The following EFCAB3 variants were observed in gnomAD, a reference collection of about 807,000 sequenced individuals.
EFCAB3 encodes the protein EF-hand calcium-binding domain-containing protein 3.
EFCAB3 carries 36 observed loss-of-function variants against 42.2 expected under a neutral mutation model. That is an observed-to-expected ratio of 0.85 (90% confidence interval 0.65 to 1.13). The LOEUF is 1.13. EFCAB3 is among the 50% of genes most tolerant of loss of function. The probability of loss-of-function intolerance (pLI) is 0.00; values close to 1 mark genes in which losing one functional copy is unlikely to be tolerated. For synonymous variants in EFCAB3, 170 were observed against 172.8 expected, an observed-to-expected ratio of 0.98 and a Z score of 0.13; for missense variants, 418 against 505.1, an observed-to-expected ratio of 0.83 and a Z score of 1.65.
At chr17:62,393,190 C>T (rs1189444835) in intron 4 of EFCAB3, among the ~76,000 whole-genome samples, 1 of 152,102 alleles carries the variant, frequency 6.6e-6, no homozygotes, top group Non-Finnish European at 1.5e-5. Context: ...ACTCATCATC[C>T]TTCAATTTTA....
chr17:62,402,249 A>G (rs1054502613), intron 6 of EFCAB3, among the ~76,000 whole-genome samples: 23 of 152,152 alleles, frequency 1.5e-4, no homozygotes, highest in Admixed American at 1.1e-3. Flanking sequence ...GGACAATTTG[A>G]CTGCCTCTTT....
chr17:62,415,876 C>T, intron 9 of EFCAB3, 127 bp from the exon 10 acceptor site: 1 of 791,882 alleles, frequency 1.3e-6, no homozygotes, highest in Non-Finnish European at 2.0e-6. Flanking sequence ...CGAGGCACCA[C>T]CTAATGTATA....
intron 8 of EFCAB3, among the ~76,000 whole-genome samples, chr17:62,407,692 C>T (rs559190682): frequency 6.6e-6 from 1 of 152,268 alleles, no homozygotes; most frequent in Admixed American, 6.5e-5. Flanking sequence ...TCTGTTGACT[C>T]TAGTCTTTTT....
chr17:62,388,396 G>T (rs370435434), intron 3 of EFCAB3, among the ~76,000 whole-genome samples: 1 of 152,164 alleles, frequency 6.6e-6, no homozygotes, highest in Non-Finnish European at 1.5e-5. Context: ...GGCAAATAGC[G>T]CTGACAGGAG....
intron 1 of EFCAB3, chr17:62,381,802 A>T: frequency 2.3e-6 from 1 of 431,806 alleles, no homozygotes; most frequent in South Asian, 1.8e-5. Flanking sequence ...GTTATCAGTG[A>T]GCTGAATGGA....
intron 2 of EFCAB3, among the ~76,000 whole-genome samples, chr17:62,384,631 A>G (rs76557765): frequency 2.6e-5 from 4 of 152,100 alleles, no homozygotes; most frequent in Non-Finnish European, 5.9e-5. Context: ...AAAATAAAAG[A>G]TCTTTACACT....
chr17:62,407,810 A>G (rs369691295), intron 8 of EFCAB3, among the ~76,000 whole-genome samples: 2 of 152,218 alleles, frequency 1.3e-5, no homozygotes, highest in Admixed American at 6.5e-5. Flanking sequence ...CACCCCAGGT[A>G]AGGCCTCTAG....
chr17:62,414,582 T>TTG (rs1233886987), intron 9 of EFCAB3, among the ~76,000 whole-genome samples: 2 of 55,772 alleles, frequency 3.6e-5, no homozygotes, highest in South Asian at 1.1e-3. Flanking sequence ...GTTTGTTTGT[T>TTG]TTGTGTGTGT....
upstream of EFCAB3, among the ~76,000 whole-genome samples, chr17:62,377,736 A>T (rs1461491988): frequency 6.6e-6 from 1 of 152,210 alleles, no homozygotes; most frequent in Admixed American, 6.5e-5. Context: ...ATAAATGAAT[A>T]GTCTTGATTT....
chr17:62,399,601 G>A (rs987821629), intron 6 of EFCAB3, among the ~76,000 whole-genome samples: 2 of 152,006 alleles, frequency 1.3e-5, no homozygotes, highest in East Asian at 1.9e-4. Flanking sequence ...CATCAAACAC[G>A]CTCCCACCTT....
At position 62,374,189 on chromosome 17, in the gene EFCAB3, G is replaced by A. The variant is rs919219434; in HGVS notation, c.88+322G>A. Reference sequence around the variant, plus strand: ...TTATAAATATAGCTAGGCCGGGCACGGTGGCTCATGCCTGTAATCCCAGCA... The same window carrying A: ...TTATAAATATAGCTAGGCCGGGCACAGTGGCTCATGCCTGTAATCCCAGCA... On this transcript the variant is annotated intron_variant, in intron 2 of 11. Coordinates refer to the EFCAB3 transcript ENST00000450662. Among the ~76,000 whole-genome samples, 21 of 152,184 alleles carry A rather than the reference G, an allele frequency of 1.4e-4. No homozygotes were observed. In the East Asian group the frequency reaches 1.5e-3, roughly 11 times the overall value.
intron 8 of EFCAB3, 32 bp downstream of exon 8, chr17:62,407,244 T>A: frequency 6.7e-7 from 1 of 1,485,316 alleles, no homozygotes; most frequent in Non-Finnish European, 8.9e-7. Context: ...ATTAGTTAAA[T>A]ACTTGGATTT....
intron 6 of EFCAB3, among the ~76,000 whole-genome samples, chr17:62,399,811 A>G (rs1004391516): frequency 2.0e-5 from 3 of 152,016 alleles, no homozygotes; most frequent in Non-Finnish European, 4.4e-5. Flanking sequence ...TCTTCATACT[A>G]TTCATCACCT....
At chr17:62,379,689 C>T (rs1237250964), upstream of EFCAB3, among the ~76,000 whole-genome samples, 1 of 152,152 alleles carries the variant, frequency 6.6e-6, no homozygotes, top group Non-Finnish European at 1.5e-5. Flanking sequence ...ATATAACTAG[C>T]TAAGCCTTGG....
chr17:62,407,070 T>C lies in EFCAB3; in HGVS notation c.725T>C (p.Ile242Thr), dbSNP rs1454192918. Residue 242 changes from isoleucine (I) to threonine (T), a missense_variant, in exon 8 of 10, where the codon ATC (isoleucine) becomes ACC (threonine). Coordinates refer to ENST00000305286, the MANE Select transcript of EFCAB3 (RefSeq NM_173503.4). ...GATAGCCCATATTCAAAAATACCCATCTTTCCATTGTTCCCTAATGTGGAT... is the reference window on the plus strand; with the variant it reads ...GATAGCCCATATTCAAAAATACCCACCTTTCCATTGTTCCCTAATGTGGAT... Reference protein sequence around the residue: ...GSDSPYSKIPIFPLFPNVDGV... With the variant: ...GSDSPYSKIPTFPLFPNVDGV... 1.2e-6 allele frequency: 2 copies of C among 1,602,006 alleles called. No individual in the cohort carries two copies. Among genetic ancestry groups the C allele is most frequent in the South Asian group, 1.1e-5 (1 of 87,828 alleles).
chr17:62,374,460 C>G (rs1303516336), intron 2 of EFCAB3, among the ~76,000 whole-genome samples: 1 of 152,032 alleles, frequency 6.6e-6, no homozygotes, highest in Non-Finnish European at 1.5e-5. Flanking sequence ...GACTCCATCT[C>G]AAAAAATAAA....
intron 7 of EFCAB3, 47 bp from the exon 8 acceptor site, chr17:62,406,981 T>A: frequency 6.5e-7 from 1 of 1,535,744 alleles, no homozygotes; most frequent in Non-Finnish European, 8.7e-7. Flanking sequence ...TTATGTGAAC[T>A]TCTTCTTACA....
chr17:62,381,620 A>G (rs575532873), intron 1 of EFCAB3: 254 of 181,814 alleles, frequency 1.4e-3, no homozygotes, highest in Non-Finnish European at 2.3e-3. Context: ...CTCCACCAAG[A>G]TCGCACGCAT....
chr17:62,406,245 A>G (rs749935517), intron 6 of EFCAB3, among the ~76,000 whole-genome samples: 7 of 152,122 alleles, frequency 4.6e-5, no homozygotes, highest in Non-Finnish European at 8.8e-5. Flanking sequence ...AGCCTTGGGG[A>G]AAAAAGGAGA....
Sources: gnomAD v4.1 joint callset for allele counts (sites outside exome capture counted in the v4.1 genomes callset) on GRCh38, gnomAD v4.1.1 for gene constraint, MANE v1.5 for transcripts, NCBI Gene and HGNC (gene_info 2026-07-23, HGNC 2026-07-21) for gene names.